The following PREP variants were observed in gnomAD, a reference collection of about 807,000 sequenced individuals.
The protein encoded by PREP is dJ355L5.1 (prolyl endopeptidase).
PREP carries 29 observed loss-of-function variants against 87.6 expected under a neutral mutation model. The ratio of observed to expected loss-of-function variants is 0.33; its 90% CI spans 0.25 to 0.45. PREP has a LOEUF of 0.45. Ranked by LOEUF, PREP falls within the 20% of genes least tolerant of loss-of-function variation. The pLI is 1.00. For missense variants in PREP, 695 were observed against 886.5 expected, an observed-to-expected ratio of 0.78 and a Z score of 2.74; for synonymous variants, 337 against 328.6, an observed-to-expected ratio of 1.03 and a Z score of -0.28.
intron 8 of PREP, 68 bp from the exon 9 acceptor site, chr6:105,329,094 C>T: frequency 7.1e-7 from 1 of 1,405,360 alleles, no homozygotes; most frequent in African/African-American, 1.4e-5. Flanking sequence ...TTTAATTGAG[C>T]AACAGTTCCA....
At chr6:105,285,651 CAA>C in intron 11 of PREP, 71 bp from the exon 12 acceptor site, 1 of 1,266,056 alleles carries the variant, frequency 7.9e-7, no homozygotes, top group Non-Finnish European at 1.1e-6. Context: ...CTCTCCATCT[CAA>C]AAAAGTGTAT....
At chr6:105,391,060 CTT>C (rs1554212311) in intron 2 of PREP, among the ~76,000 whole-genome samples, 13 of 140,104 alleles carry the variant, frequency 9.3e-5, no homozygotes, top group Non-Finnish European at 7.8e-5. Flanking sequence ...CACACACACA[CTT>C]TTTTTTTTTT....
chr6:105,364,485 C>T (rs756747495), intron 6 of PREP, among the ~76,000 whole-genome samples: 1 of 152,096 alleles, frequency 6.6e-6, no homozygotes, highest in South Asian at 2.1e-4. Flanking sequence ...ACTTGGACTG[C>T]GGCAGCCGAA....
intron 2 of PREP, among the ~76,000 whole-genome samples, chr6:105,389,989 TC>T (rs1429745448): frequency 6.6e-6 from 1 of 152,200 alleles, no homozygotes; most frequent in East Asian, 1.9e-4. Flanking sequence ...AACTTTGTTC[TC>T]CGCTGATCTC....
chr6:105,362,790 T>C (rs186015151), intron 6 of PREP, among the ~76,000 whole-genome samples: 1 of 152,254 alleles, frequency 6.6e-6, no homozygotes, highest in Non-Finnish European at 1.5e-5. Context: ...GGAATAAATA[T>C]GGACTGTGCC....
At chr6:105,331,472 G>A (rs914361120) in intron 8 of PREP, among the ~76,000 whole-genome samples, 66 of 152,304 alleles carry the variant, frequency 4.3e-4, no homozygotes, top group African/African-American at 1.4e-3. Flanking sequence ...TCCTATACAA[G>A]AATCACTGTT....
At chr6:105,365,092 C>G (rs546493746) in intron 6 of PREP, among the ~76,000 whole-genome samples, 1 of 152,038 alleles carries the variant, frequency 6.6e-6, no homozygotes, top group African/African-American at 2.4e-5. Context: ...ACTAAAAATA[C>G]AAAAATTAGC....
chr6:105,289,533 A>C (rs917968804), intron 10 of PREP, among the ~76,000 whole-genome samples: 14 of 152,178 alleles, frequency 9.2e-5, no homozygotes, highest in African/African-American at 3.4e-4. Flanking sequence ...ACTATTGATA[A>C]TTAAGGTTCA....
At position 105,333,453 on chromosome 6, in the gene PREP, G is replaced by A. The variant is rs745657109; in HGVS notation, c.876C>T (p.Tyr292=). The part of the protein sequence containing the change: ...LIDNFEGEYD[Y]VTNEGTVFTF... ...TGAACACCGTCCCCTCATTGGTCAC[G>A]TAGTCATATTCCCCTTCAAAGTTGT... The change falls in exon 8 of 15, where the codon TAC becomes TAT. Residue 292 remains tyrosine, a synonymous_variant. Transcript: ENST00000652536. The A allele has an allele frequency of 8.1e-6, 13 of 1,614,032 alleles. No individual in the cohort carries two copies. The highest frequency in any genetic ancestry group is 4.0e-5 in the African/African-American group (3 of 74,902).
At chr6:105,331,356 C>T (rs965310771) in intron 8 of PREP, among the ~76,000 whole-genome samples, 23 of 152,208 alleles carry the variant, frequency 1.5e-4, no homozygotes, top group African/African-American at 5.5e-4. Flanking sequence ...TTCATTACAT[C>T]TATAAGATGG....
At chr6:105,341,813 C>T (rs180772056) in intron 7 of PREP, among the ~76,000 whole-genome samples, 33 of 152,302 alleles carry the variant, frequency 2.2e-4, no homozygotes, top group Non-Finnish European at 4.0e-4. Flanking sequence ...TTCCTGGACA[C>T]ACACGCCCTC....
Position 105,359,085 on chromosome 6 carries a change from ACCACTGCAGT to A in PREP, c.718-6018_718-6009del, listed in dbSNP as rs1772176595. Among the ~76,000 whole-genome samples, 4 of 152,130 alleles carry A rather than the reference ACCACTGCAGT, an allele frequency of 2.6e-5. No homozygotes were observed. In the South Asian group the frequency reaches 8.3e-4, roughly 32 times the overall value. On this transcript the variant is annotated intron_variant, in intron 6 of 14. Transcript: ENST00000652536. ...AGACACAATTTAACACGTGCCATCAACCACTGCAGTCCACTATTCAGGGCAGCCACAGCTG... is the reference window on the plus strand; with the variant it reads ...AGACACAATTTAACACGTGCCATCAACCACTATTCAGGGCAGCCACAGCTG...
chr6:105,302,912 C>G (rs916881388), intron 10 of PREP: 29 of 224,416 alleles, frequency 1.3e-4, no homozygotes, highest in African/African-American at 6.6e-4. Context: ...ACCTCAGGTC[C>G]GGAGCTCAAA....
In PREP at chr6:105,368,956, C is replaced by G; in HGVS notation, c.664G>C (p.Asp222His). The change falls in exon 6 of 15, where the codon GAT becomes CAT. Residue 222 changes from aspartate to histidine, a missense_variant. By Grantham distance (81) the Asp-to-His change is moderately conservative. Coordinates refer to ENST00000652536, the MANE Select transcript of PREP (RefSeq NM_002726.5). The part of the protein sequence containing the change: ...YHVLGTDQSE[D>H]ILCAEFPDEP... ...TCAGGAAACTCAGCACACAAAATAT[C>G]TTCTGACTGATCGGTTCCCAAGACA... 1 of 1,614,082 alleles carries G rather than the reference C, an allele frequency of 6.2e-7. No individual in the cohort carries two copies. The highest frequency in any genetic ancestry group is 8.5e-7 in the Non-Finnish European group (1 of 1,179,980).
chr6:105,319,310 T>C (rs1168823533), intron 10 of PREP, among the ~76,000 whole-genome samples: 1 of 152,238 alleles, frequency 6.6e-6, no homozygotes, highest in Non-Finnish European at 1.5e-5. Context: ...AAAATATGAG[T>C]ACTTGGATTC....
intron 5 of PREP, 86 bp downstream of exon 5, chr6:105,373,283 T>C (rs1427110883): frequency 1.4e-6 from 2 of 1,409,062 alleles, no homozygotes; most frequent in Admixed American, 1.7e-5. Context: ...ACACAACCTC[T>C]ATGTAGGGTT....
At chr6:105,374,657 T>TCAGAA (rs1772642564) in intron 4 of PREP, among the ~76,000 whole-genome samples, 1 of 54,326 alleles carries the variant, frequency 1.8e-5, no homozygotes, top group South Asian at 6.8e-4. Context: ...TATATATATA[T>TCAGAA]ATATATATAT....
intron 7 of PREP, among the ~76,000 whole-genome samples, chr6:105,338,825 A>T (rs6571230): frequency 6.6e-6 from 1 of 152,096 alleles, no homozygotes; most frequent in African/African-American, 2.4e-5. Context: ...TGCAAGGCGG[A>T]AGCGAGGCTG....
chr6:105,323,897 C>T (rs1381438699), intron 9 of PREP, 129 bp from the exon 10 acceptor site: 5 of 780,766 alleles, frequency 6.4e-6, no homozygotes, highest in African/African-American at 1.7e-5. Flanking sequence ...TTGGTTAATC[C>T]CCACCACAGT....
Sources: allele counts gnomAD v4.1 joint callset (sites outside exome capture counted in the v4.1 genomes callset), GRCh38; gene constraint gnomAD v4.1.1; transcripts MANE v1.5; gene names NCBI Gene and HGNC (gene_info 2026-07-23, HGNC 2026-07-21).